Variants in EEF1E1 observed in about 807,000 individuals in gnomAD.
EEF1E1 encodes the protein eukaryotic translation elongation factor 1 epsilon 1.
EEF1E1 carries 19 observed loss-of-function variants against 19.9 expected under a neutral mutation model. That is an observed-to-expected ratio of 0.95 (90% CI 0.66 to 1.40). The LOEUF is 1.40. Among genes scored for constraint, EEF1E1 ranks in the 40% most tolerant of loss-of-function variants. The pLI is 0.00. For synonymous variants in EEF1E1, 81 were observed against 80.0 expected (o/e 1.01, Z -0.07); for missense variants, 198 against 202.2 (o/e 0.98, Z 0.13).
intron 3 of EEF1E1, among the ~76,000 whole-genome samples, chr6:8,074,027 C>T (rs1437057584): frequency 6.6e-6 from 1 of 152,178 alleles, no homozygotes; most frequent in Admixed American, 6.5e-5. Flanking sequence ...CCAGGAAAGG[C>T]CCTTCAGGGG....
intron 1 of EEF1E1, chr6:8,102,196 C>A (rs1758384697): frequency 5.3e-6 from 6 of 1,137,444 alleles, no homozygotes; most frequent in Non-Finnish European, 7.1e-6. Context: ...ATGACAATTT[C>A]CCAGGAGGTG....
At chr6:8,076,018 T>C (rs1048409120), downstream of EEF1E1, among the ~76,000 whole-genome samples, 1 of 152,158 alleles carries the variant, frequency 6.6e-6, no homozygotes, top group Non-Finnish European at 1.5e-5. Context: ...ACTGCGGCAA[T>C]TCAGTACCAT....
intron 1 of EEF1E1, 91 bp downstream of exon 1, chr6:8,102,344 C>G: frequency 7.6e-7 from 1 of 1,312,738 alleles, no homozygotes; most frequent in Admixed American, 2.4e-5. Flanking sequence ...CTCACTCCGC[C>G]CGTATCTGGT....
At chr6:8,092,134 A>G (rs1351654163) in intron 2 of EEF1E1, among the ~76,000 whole-genome samples, 1 of 151,958 alleles carries the variant, frequency 6.6e-6, no homozygotes. Context: ...TGCCTCCAGG[A>G]CCTAATCACC....
intron 3 of EEF1E1, 144 bp from the exon 4 acceptor site, chr6:8,080,174 A>T (rs1757692100): frequency 1.1e-6 from 1 of 872,066 alleles, no homozygotes; most frequent in Admixed American, 2.4e-5. Flanking sequence ...TTCAGATAGG[A>T]GTAAAAGTTT....
At chr6:8,092,751 AAATAC>A (rs1238945424) in intron 2 of EEF1E1, among the ~76,000 whole-genome samples, 2 of 152,242 alleles carry the variant, frequency 1.3e-5, no homozygotes, top group African/African-American at 4.8e-5. Flanking sequence ...CAAATAAAAT[AAATAC>A]ATCTTCATTT....
intron 3 of EEF1E1, among the ~76,000 whole-genome samples, chr6:8,081,256 T>C (rs974303052): frequency 6.6e-6 from 1 of 152,222 alleles, no homozygotes; most frequent in Admixed American, 6.5e-5. Context: ...TCTAGCACAT[T>C]ATAAAAACAT....
At chr6:8,086,626 A>C (rs1757861636) in intron 3 of EEF1E1, among the ~76,000 whole-genome samples, 1 of 152,190 alleles carries the variant, frequency 6.6e-6, no homozygotes. Flanking sequence ...GCCCTTCCAA[A>C]AACTGAGCGC....
rs1758276919 is a variant in EEF1E1 at position 8,099,754 on chromosome 6, ACACACACACACACACACACAC to A, written c.88-2308_88-2288del. ...AAGAGTGAAGCTCCGCCTCAAAAAC[ACACACACACACACACACACAC>A]ACACACACACACACACAAAAAAAAA... is the stretch of plus-strand genomic sequence containing the variant. On this transcript the variant is annotated intron_variant, in intron 1 of 3. Coordinates refer to ENST00000379715, the MANE Select transcript of EEF1E1 (RefSeq NM_004280.5). Among the ~76,000 whole-genome samples the A allele has an allele frequency of 1.9e-4, 18 of 93,942 alleles. No homozygotes were observed. In the South Asian group the frequency reaches 5.6e-3, roughly 29 times the overall value. 61.6% of individuals were successfully genotyped at this position (93,942 alleles called of 152,430 possible). A position where few individuals can be genotyped will look rare whatever the true frequency, so the allele number is the denominator to read the frequency against.
intron 3 of EEF1E1, among the ~76,000 whole-genome samples, chr6:8,086,405 C>T (rs1757855354): frequency 6.6e-6 from 1 of 152,110 alleles, no homozygotes; most frequent in Admixed American, 6.5e-5. Flanking sequence ...ATGGCAAAAC[C>T]AACTATGTAG....
At chr6:8,075,928 G>A (rs1757578503), downstream of EEF1E1, among the ~76,000 whole-genome samples, 1 of 152,092 alleles carries the variant, frequency 6.6e-6, no homozygotes, top group African/African-American at 2.4e-5. Flanking sequence ...ATCATCACTA[G>A]GAATAAAGTC....
Position 8,097,344 on chromosome 6 carries a change from C to G in EEF1E1, c.211G>C (p.Val71Leu). The change falls in exon 2 of 4, where the codon GTT becomes CTT. Residue 71 changes from valine to leucine, a missense_variant. Transcript: ENST00000379715. ...LGSTAEEKAI[V>L]QQWLEYRVTQ... ...ACCCTGTATTCTAACCACTGCTGAA[C>G]GATTGCTTTTTCTTCTGCAGTACTC... 1 of 1,614,152 alleles carries G rather than the reference C, an allele frequency of 6.2e-7. No homozygotes were observed. Among genetic ancestry groups the G allele is most frequent in the Non-Finnish European group, 8.5e-7 (1 of 1,180,028 alleles).
At chr6:8,080,911 C>T (rs1757708035) in intron 3 of EEF1E1, among the ~76,000 whole-genome samples, 1 of 152,180 alleles carries the variant, frequency 6.6e-6, no homozygotes, top group Non-Finnish European at 1.5e-5. Flanking sequence ...CAGCAGCCTG[C>T]TTGTTGGGAG....
downstream of EEF1E1, among the ~76,000 whole-genome samples, chr6:8,075,533 C>T (rs1327542393): frequency 6.6e-6 from 1 of 152,128 alleles, no homozygotes; most frequent in African/African-American, 2.4e-5. Flanking sequence ...ATGTCTAAAA[C>T]CACAATGTAT....
At chr6:8,099,222 C>T (rs550351390) in intron 1 of EEF1E1, among the ~76,000 whole-genome samples, 1 of 152,300 alleles carries the variant, frequency 6.6e-6, no homozygotes, top group East Asian at 1.9e-4. Context: ...TTCTGGTCAA[C>T]GATGTTCTGG....
intron 1 of EEF1E1, among the ~76,000 whole-genome samples, chr6:8,100,044 T>A (rs1052677284): frequency 6.6e-6 from 1 of 152,188 alleles, no homozygotes; most frequent in African/African-American, 2.4e-5. Flanking sequence ...AAAAAATGGC[T>A]GAATCTTATC....
chr6:8,079,963 T>A lies in EEF1E1; in HGVS notation c.452A>T (p.His151Leu), dbSNP rs1757686439. 6.2e-7 allele frequency: 1 copy of A among 1,613,606 alleles called. No individual in the cohort carries two copies. The highest frequency in any genetic ancestry group is 8.5e-7 in the Non-Finnish European group (1 of 1,179,960). The change falls in exon 4 of 4, where the codon CAT (histidine) becomes CTT (leucine). Residue 151 changes from histidine to leucine, a missense_variant. By Grantham distance (99) the His-to-Leu change is moderately conservative. Coordinates refer to ENST00000379715, the MANE Select transcript of EEF1E1 (RefSeq NM_004280.5). ...NVSRWFCHIQ[H>L]YPGIRQHLSS... is the part of the protein sequence containing the mutation. ...CAGATGTTGCCTGATGCCTGGATAATGCTGAATGTGACAAAACCAGCGAGA... is the reference window on the plus strand; with the variant it reads ...CAGATGTTGCCTGATGCCTGGATAAAGCTGAATGTGACAAAACCAGCGAGA...
chr6:8,101,734 T>C (rs1758369773), intron 1 of EEF1E1: 4 of 1,288,572 alleles, frequency 3.1e-6, no homozygotes, highest in South Asian at 2.5e-5. Flanking sequence ...ACACAAACGT[T>C]CTAACAGTGC....
chr6:8,078,481 A>C (rs2113633401), downstream of EEF1E1: 1 of 263,656 alleles, frequency 3.8e-6, no homozygotes, highest in Admixed American at 6.0e-5. Context: ...AAAAAAATTC[A>C]AAATAATGTG....
Sources: gnomAD v4.1 joint callset for allele counts (sites outside exome capture counted in the v4.1 genomes callset) on GRCh38, gnomAD v4.1.1 for gene constraint, MANE v1.5 for transcripts, NCBI Gene and HGNC (gene_info 2026-07-23, HGNC 2026-07-21) for gene names.